LRRC4C: variants seen among roughly 807,000 people sequenced by gnomAD.
LRRC4C encodes leucine-rich repeat-containing protein 4C.
A neutral mutation model predicts 33.6 loss-of-function variants in LRRC4C; 5 were observed. The observed-to-expected ratio is 0.15, with a 90% CI of 0.08 to 0.31. The LOEUF (loss-of-function observed/expected upper bound fraction) is 0.31, where lower values mean the gene tolerates loss of function less well. Ranked by LOEUF, LRRC4C falls within the 10% of genes least tolerant of loss-of-function variation. LRRC4C has a pLI of 1.00. For missense variants in LRRC4C, 560 were observed against 796.7 expected (o/e 0.70, Z 3.58); for synonymous variants, 329 against 302.0 (o/e 1.09, Z -0.93).
intron 1 of LRRC4C, among the ~76,000 whole-genome samples, chr11:41,295,349 TA>T (rs926934925): frequency 6.6e-6 from 1 of 151,770 alleles, no homozygotes; most frequent in African/African-American, 2.4e-5. Context: ...CAATATGCGG[TA>T]AAAAAAAGCA....
chr11:40,578,950 T>G (rs1290188231), intron 3 of LRRC4C, among the ~76,000 whole-genome samples: 2 of 152,178 alleles, frequency 1.3e-5, no homozygotes, highest in African/African-American at 4.8e-5. Context: ...ACCCCAAACC[T>G]ATTGGCCAAA....
chr11:41,310,592 C>T (rs796609341), intron 1 of LRRC4C, among the ~76,000 whole-genome samples: 1 of 152,252 alleles, frequency 6.6e-6, no homozygotes, highest in African/African-American at 2.4e-5. Context: ...CATTCAACTG[C>T]TTAGGAGAAC....
At chr11:40,404,408 A>G (rs1012603635) in intron 3 of LRRC4C, among the ~76,000 whole-genome samples, 1 of 152,152 alleles carries the variant, frequency 6.6e-6, no homozygotes, top group Non-Finnish European at 1.5e-5. Context: ...ATATGCATAT[A>G]ATCAGTGAAT....
At chr11:41,335,488 T>A (rs997050252) in intron 1 of LRRC4C, among the ~76,000 whole-genome samples, 1 of 152,190 alleles carries the variant, frequency 6.6e-6, no homozygotes, top group East Asian at 1.9e-4. Context: ...AATTTTTTTG[T>A]AACATTAACC....
At chr11:41,315,789 T>A (rs1049029336) in intron 1 of LRRC4C, among the ~76,000 whole-genome samples, 1 of 152,212 alleles carries the variant, frequency 6.6e-6, no homozygotes, top group African/African-American at 2.4e-5. Context: ...CAAACCTATA[T>A]AGATAGTCAT....
chr11:40,400,137 T>A (rs1465827852), intron 3 of LRRC4C, among the ~76,000 whole-genome samples: 1 of 152,072 alleles, frequency 6.6e-6, no homozygotes, highest in Non-Finnish European at 1.5e-5. Flanking sequence ...TTTAAAATCC[T>A]TGGGATTCCC....
At chr11:40,854,472 C>T (rs1216843137) in intron 2 of LRRC4C, among the ~76,000 whole-genome samples, 4 of 152,166 alleles carry the variant, frequency 2.6e-5, no homozygotes, top group African/African-American at 7.2e-5. Flanking sequence ...TTCAGTCAGA[C>T]TCGACTTGTA....
At chr11:40,733,237 G>A (rs1420941913) in intron 2 of LRRC4C, among the ~76,000 whole-genome samples, 2 of 151,248 alleles carry the variant, frequency 1.3e-5, no homozygotes, top group Non-Finnish European at 2.9e-5. Flanking sequence ...CACCACACCC[G>A]GCTAATTTTT....
chr11:41,159,380 C>A (rs932588127), intron 1 of LRRC4C, among the ~76,000 whole-genome samples: 1 of 151,848 alleles, frequency 6.6e-6, no homozygotes. Flanking sequence ...TGTTGATGAG[C>A]AAATTAGGAA....
At chr11:40,379,801 C>A (rs1056451962) in intron 3 of LRRC4C, among the ~76,000 whole-genome samples, 3 of 152,068 alleles carry the variant, frequency 2.0e-5, no homozygotes, top group Admixed American at 2.0e-4. Context: ...TTGATACATG[C>A]GTTGTGCTCA....
intron 1 of LRRC4C, among the ~76,000 whole-genome samples, chr11:41,347,829 G>A (rs1951850198): frequency 6.6e-6 from 1 of 152,128 alleles, no homozygotes; most frequent in Non-Finnish European, 1.5e-5. Context: ...AATCACATAA[G>A]ATTGCATAGG....
chr11:40,750,515 GA>G (rs761947145), intron 2 of LRRC4C, among the ~76,000 whole-genome samples: 1 of 151,962 alleles, frequency 6.6e-6, no homozygotes, highest in Non-Finnish European at 1.5e-5. Flanking sequence ...GGACATGGAT[GA>G]AGCTGGAAAC....
intron 1 of LRRC4C, among the ~76,000 whole-genome samples, chr11:41,448,141 T>TTTTTTTTTTTTTTTTTTTTTTTC: frequency 6.8e-6 from 1 of 146,002 alleles, no homozygotes; most frequent in African/African-American, 2.5e-5. Context: ...TTTTTTTTTT[T>TTTTTTTTTTTTTTTTTTTTTTTC]TGGAGCTTTA....
chr11:40,898,474 T>C (rs939561155), intron 2 of LRRC4C, among the ~76,000 whole-genome samples: 2 of 151,712 alleles, frequency 1.3e-5, no homozygotes, highest in Non-Finnish European at 2.9e-5. Context: ...AAGATGGGAA[T>C]AATCATACGG....
intron 3 of LRRC4C, among the ~76,000 whole-genome samples, chr11:40,323,394 G>A (rs887542259): frequency 2.6e-5 from 4 of 152,120 alleles, no homozygotes; most frequent in African/African-American, 7.2e-5. Flanking sequence ...GAATTATGGC[G>A]CTTTGGATGT....
chr11:40,834,907 G>GACAC (rs778150169), intron 2 of LRRC4C, among the ~76,000 whole-genome samples: 2,144 of 44,974 alleles, frequency 0.048, 32 homozygotes, highest in Non-Finnish European at 0.069. Flanking sequence ...CAGACAGACA[G>GACAC]ACAGACACAC....
At chr11:40,657,152 T>C (rs781781398) in intron 2 of LRRC4C, among the ~76,000 whole-genome samples, 1 of 152,184 alleles carries the variant, frequency 6.6e-6, no homozygotes, top group South Asian at 2.1e-4. Flanking sequence ...AAATTGATAC[T>C]TAGTGAAGTT....
intron 1 of LRRC4C, among the ~76,000 whole-genome samples, chr11:41,333,368 T>A (rs1200451749): frequency 6.6e-6 from 1 of 152,190 alleles, no homozygotes; most frequent in African/African-American, 2.4e-5. Context: ...AGTGAAATCA[T>A]TAAAAGATCA....
rs571746512 is a variant in LRRC4C at position 41,084,611 on chromosome 11, G to T, written c.-495-150888C>A. Among the ~76,000 whole-genome samples the T allele has an allele frequency of 7.9e-5, 12 of 152,244 alleles. 1 individual carries two copies. In the South Asian group the frequency reaches 1.2e-3, roughly 16 times the overall value. On this transcript the variant is annotated intron_variant, in intron 1 of 6. Transcript: ENST00000528697. ...CGCCTGTAATCACAGCACTTTGGGA[G>T]GCCGAGGCGGGTGGATCACCTGAGG...
Sources: gnomAD v4.1 joint callset for allele counts (sites outside exome capture counted in the v4.1 genomes callset) on GRCh38, gnomAD v4.1.1 for gene constraint, MANE v1.5 for transcripts, NCBI Gene and HGNC (gene_info 2026-07-23, HGNC 2026-07-21) for gene names.